PCDHGA9: variants seen among roughly 807,000 people sequenced by gnomAD.
PCDHGA9 encodes the protein protocadherin gamma-A9.
In PCDHGA9, 37 loss-of-function variants were observed where a neutral mutation model predicts 62.5. The ratio of observed to expected loss-of-function variants is 0.59; its 90% CI spans 0.46 to 0.78. PCDHGA9 has a LOEUF of 0.78. PCDHGA9 is among the 30% of genes least tolerant of loss of function. The pLI is 0.00. For synonymous variants in PCDHGA9, 459 were observed against 484.6 expected, an observed-to-expected ratio of 0.95 and a Z score of 0.69; for missense variants, 1,138 against 1,166.2, an observed-to-expected ratio of 0.98 and a Z score of 0.35.
intron 1 of PCDHGA9, chr5:141,419,056 T>C (rs2096318283): frequency 6.2e-7 from 1 of 1,613,836 alleles, no homozygotes; most frequent in Non-Finnish European, 8.5e-7. Context: ...CTTCTTCTAA[T>C]AATTACTACA....
Position 141,438,593 on chromosome 5 carries a change from T to TAC in PCDHGA9, c.2424+33218_2424+33219insCA, listed in dbSNP as rs1414976871. Reference sequence around the variant, plus strand: ...TGATATACATACATACATACATACATATATATATATATATATATATATATA... The same window carrying TAC: ...TGATATACATACATACATACATACATACATATATATATATATATATATATATA... On this transcript the variant is annotated intron_variant, in intron 1 of 3. Transcript: ENST00000573521. Among the ~76,000 whole-genome samples the TAC allele has an allele frequency of 1.6e-3, 115 of 73,944 alleles. 1 individual carries two copies. The highest frequency in any genetic ancestry group is 2.9e-3 in the African/African-American group (63 of 21,786). The allele number at this position is 73,944 out of a possible 152,430, so 48.5% of individuals were successfully genotyped here. A position where few individuals can be genotyped will look rare whatever the true frequency, so the allele number is the denominator to read the frequency against.
intron 1 of PCDHGA9, among the ~76,000 whole-genome samples, chr5:141,435,478 C>A (rs1279447863): frequency 6.6e-6 from 1 of 152,146 alleles, no homozygotes; most frequent in Non-Finnish European, 1.5e-5. Flanking sequence ...TTAGACATTT[C>A]TTTTGCCCAT....
Position 141,415,174 on chromosome 5 carries a change from G to C in PCDHGA9, c.2424+9798G>C, listed in dbSNP as rs1368688199. ...CTCCGCCACTGTCACGCTCACCGTG[G>C]CCGTGGCCGACAGCATCCCCCAAGT... On this transcript the variant is annotated intron_variant, in intron 1 of 3. Transcript: ENST00000573521. 4 of 1,613,784 alleles carry C rather than the reference G, an allele frequency of 2.5e-6. No homozygotes were observed. The African/African-American group carries it at 4.0e-5, about 16-fold the overall frequency.
At chr5:141,418,823 A>G (rs985060966) in intron 1 of PCDHGA9, 7 of 1,613,868 alleles carry the variant, frequency 4.3e-6, no homozygotes, top group Admixed American at 3.3e-5. Context: ...CATAGAAGCA[A>G]AAGACCGAGG....
intron 1 of PCDHGA9, among the ~76,000 whole-genome samples, chr5:141,446,882 G>A (rs1419213225): frequency 1.3e-5 from 2 of 152,086 alleles, no homozygotes; most frequent in African/African-American, 4.8e-5. Flanking sequence ...TATGTTTTGG[G>A]GTTCATGGCT....
Position 141,486,544 on chromosome 5 carries a change from G to C in PCDHGA9, c.2425-8263G>C, listed in dbSNP as rs1376583724. Reference sequence around the variant, plus strand: ...ATGATAATCCACCCTCTTTCTTTCAGAGGTCACATGAGGTGTTTGTTCCTG... The same window carrying C: ...ATGATAATCCACCCTCTTTCTTTCACAGGTCACATGAGGTGTTTGTTCCTG... On this transcript the variant is annotated intron_variant, in intron 1 of 3. Coordinates refer to ENST00000573521, the MANE Select transcript of PCDHGA9 (RefSeq NM_018921.3). The surrounding 1 kb of genome is among the most constrained non-coding windows in gnomAD (Gnocchi z 5.0). The C allele has an allele frequency of 6.2e-7, 1 of 1,613,964 alleles. No homozygotes were observed. The highest frequency in any genetic ancestry group is 1.3e-5 in the African/African-American group (1 of 74,932).
intron 2 of PCDHGA9, among the ~76,000 whole-genome samples, chr5:141,501,526 G>A (rs2099809738): frequency 6.6e-6 from 1 of 151,962 alleles, no homozygotes; most frequent in Non-Finnish European, 1.5e-5. Context: ...CTGAAGCCCA[G>A]TACGTTGTTG....
chr5:141,407,661 T>G (rs964293417), intron 1 of PCDHGA9, among the ~76,000 whole-genome samples: 13 of 152,164 alleles, frequency 8.5e-5, no homozygotes, highest in African/African-American at 2.7e-4. Flanking sequence ...GAGCGCAGTA[T>G]ATATTAAACA....
At chr5:141,500,723 G>A (rs6875791) in intron 2 of PCDHGA9, among the ~76,000 whole-genome samples, 4,890 of 152,100 alleles carry the variant, frequency 0.032, 255 homozygotes, top group African/African-American at 0.11. Flanking sequence ...ATTTCCCCAT[G>A]TCTTTCAAAA....
At chr5:141,405,436 T>C (rs2094666141) in intron 1 of PCDHGA9, 60 bp downstream of exon 1, 1 of 1,458,154 alleles carries the variant, frequency 6.9e-7, no homozygotes. Flanking sequence ...TGTTTTGTTT[T>C]TGAGACAGAG....
At chr5:141,483,385 G>C (rs1166547027) in intron 1 of PCDHGA9, among the ~76,000 whole-genome samples, 1 of 152,160 alleles carries the variant, frequency 6.6e-6, no homozygotes, top group Non-Finnish European at 1.5e-5. Context: ...AGAGAAGATT[G>C]ATAAATGCTT....
chr5:141,482,758 T>TGC (rs1413945459), intron 1 of PCDHGA9, among the ~76,000 whole-genome samples: 74 of 141,724 alleles, frequency 5.2e-4, no homozygotes, highest in African/African-American at 9.9e-4. Flanking sequence ...ATTATGGTAT[T>TGC]TCATTATCAC....
At chr5:141,421,478 G>T in intron 1 of PCDHGA9, 1 of 1,614,130 alleles carries the variant, frequency 6.2e-7, no homozygotes, top group Non-Finnish European at 8.5e-7. Flanking sequence ...CGAAGCGGCA[G>T]CTTGATCACG....
At chr5:141,494,268 C>G (rs576129333) in intron 1 of PCDHGA9, among the ~76,000 whole-genome samples, 31 of 152,288 alleles carry the variant, frequency 2.0e-4, no homozygotes, top group African/African-American at 7.2e-4. Flanking sequence ...TTCTTGCAAG[C>G]CAAGGGCCCA....
intron 1 of PCDHGA9, chr5:141,408,686 A>G (rs2095150873): frequency 6.2e-7 from 1 of 1,613,848 alleles, no homozygotes; most frequent in Non-Finnish European, 8.5e-7. Flanking sequence ...GGATCCTGAT[A>G]TAAACATAAA....
chr5:141,487,196 G>A lies in PCDHGA9; in HGVS notation c.2425-7611G>A. On this transcript the variant is annotated intron_variant, in intron 1 of 3. Coordinates refer to ENST00000573521, the MANE Select transcript of PCDHGA9 (RefSeq NM_018921.3). This position sits in a 1 kb window ranked among gnomAD's most constrained non-coding sequence, Gnocchi z 5.0. Reference sequence around the variant, plus strand: ...GGAAGACACTCATCCAGTTGTCCCAGATCTTCGAGAATCTTCAGCTCCAAG... The same window carrying A: ...GGAAGACACTCATCCAGTTGTCCCAAATCTTCGAGAATCTTCAGCTCCAAG... The A allele has an allele frequency of 1.2e-6, 2 of 1,613,878 alleles. No homozygotes were observed. The highest frequency in any genetic ancestry group is 8.5e-7 in the Non-Finnish European group (1 of 1,179,796).
intron 2 of PCDHGA9, among the ~76,000 whole-genome samples, chr5:141,496,827 C>A (rs1595415247): frequency 6.6e-6 from 1 of 151,780 alleles, no homozygotes; most frequent in East Asian, 1.9e-4. Context: ...TAGATGTGAT[C>A]CCAGAACTCA....
chr5:141,441,885 CA>C, intron 1 of PCDHGA9: 1 of 345,036 alleles, frequency 2.9e-6, no homozygotes. Context: ...ACCTGGTCAC[CA>C]AGGTGGTGGC....
At chr5:141,482,956 CCAGCTACTTGAG>C (rs6149271) in intron 1 of PCDHGA9, among the ~76,000 whole-genome samples, 62,216 of 151,640 alleles carry the variant, frequency 0.41, 15,336 homozygotes, top group African/African-American at 0.7. Context: ...GCCTGTAATT[CCAGCTACTTGAG>C]CAGCTACTTG....
Sources: gnomAD v4.1 joint callset for allele counts (sites outside exome capture counted in the v4.1 genomes callset) on GRCh38, gnomAD v4.1.1 for gene constraint, Gnocchi (gnomAD v3.1) non-coding constraint, MANE v1.5 for transcripts, NCBI Gene and HGNC (gene_info 2026-07-23, HGNC 2026-07-21) for gene names.